ARHGAP6: variants seen among roughly 807,000 people sequenced by gnomAD.
ARHGAP6 encodes the protein Rho GTPase activating protein 6, also known as rho GTPase-activating protein 6.
Under a neutral mutation model 55.7 loss-of-function variants are expected in ARHGAP6, and 16 were observed. The ratio of observed to expected loss-of-function variants is 0.29; its 90% CI spans 0.19 to 0.44. ARHGAP6 has a LOEUF of 0.44. Among genes scored for constraint, ARHGAP6 ranks in the 20% least tolerant of loss-of-function variants. The pLI is 1.00. For missense variants in ARHGAP6, 698 were observed against 808.9 expected, an observed-to-expected ratio of 0.86 and a Z score of 1.66; for synonymous variants, 382 against 360.9, an observed-to-expected ratio of 1.06 and a Z score of -0.66.
At chrX:11,252,611 A>G (rs1168081992) in intron 2 of ARHGAP6, among the ~76,000 whole-genome samples, 1 of 112,715 alleles carries the variant, frequency 8.9e-6, no homozygotes, top group Non-Finnish European at 1.9e-5. Flanking sequence ...ATTAGCATGA[A>G]AAAATAAAAC....
intron 1 of ARHGAP6, among the ~76,000 whole-genome samples, chrX:11,356,104 T>C (rs752182096): frequency 1.8e-5 from 2 of 111,278 alleles, no homozygotes; most frequent in Non-Finnish European, 3.8e-5. Flanking sequence ...TTATTAACTT[T>C]CTACTTTTGC....
chrX:11,339,848 C>G (rs1366335582), intron 1 of ARHGAP6, among the ~76,000 whole-genome samples: 3 of 111,290 alleles, frequency 2.7e-5, no homozygotes, highest in African/African-American at 9.8e-5. Context: ...GTTTCTCTCT[C>G]AATATTTTAC....
rs768038709 is a variant in ARHGAP6 at position 11,585,173 on chromosome X, G to C, written c.588+79068C>G. The stretch of plus-strand genomic sequence containing the variant: ...ATATGTACCACATTTTCTTTATCCA[G>C]TCTATCATTTATGGTCATTTAGGTT... On this transcript the variant is annotated intron_variant, in intron 1 of 12. Coordinates refer to ENST00000337414, the MANE Select transcript of ARHGAP6 (RefSeq NM_013427.3). 2.7e-5 allele frequency among the ~76,000 whole-genome samples: 3 copies of C among 112,108 alleles called. No homozygotes were observed. The South Asian group carries it at 1.1e-3, about 41-fold the overall frequency.
chrX:11,484,538 G>A (rs1420118889), intron 1 of ARHGAP6, among the ~76,000 whole-genome samples: 2 of 90,170 alleles, frequency 2.2e-5, no homozygotes, highest in African/African-American at 4.5e-5. Flanking sequence ...AGGAGGAGGA[G>A]GAAGAAGAGA....
intron 1 of ARHGAP6, among the ~76,000 whole-genome samples, chrX:11,618,592 GATTA>G (rs2052194165): frequency 8.9e-6 from 1 of 111,829 alleles, no homozygotes; most frequent in Admixed American, 9.5e-5. Context: ...GCTCATGCAT[GATTA>G]ATTAATCTGC....
intron 1 of ARHGAP6, among the ~76,000 whole-genome samples, chrX:11,297,618 C>A (rs1303065560): frequency 9.0e-6 from 1 of 111,725 alleles, no homozygotes; most frequent in East Asian, 2.8e-4. Flanking sequence ...GAATAAGATT[C>A]TTACTTCTCT....
chrX:11,521,234 A>G (rs1431289987), intron 1 of ARHGAP6, among the ~76,000 whole-genome samples: 1 of 112,126 alleles, frequency 8.9e-6, no homozygotes. Context: ...GTCCTTGCCC[A>G]TGCCTATGTC....
intron 1 of ARHGAP6, among the ~76,000 whole-genome samples, chrX:11,357,248 G>T (rs2048942740): frequency 9.0e-6 from 1 of 111,527 alleles, no homozygotes; most frequent in Admixed American, 9.5e-5. Flanking sequence ...ATTGAATTGG[G>T]AAGTCATTTT....
intron 1 of ARHGAP6, among the ~76,000 whole-genome samples, chrX:11,361,590 A>G (rs2049012192): frequency 9.1e-6 from 1 of 110,128 alleles, no homozygotes; most frequent in Non-Finnish European, 1.9e-5. Context: ...GGACATAGGC[A>G]TGGGCAAGGA....
intron 6 of ARHGAP6, among the ~76,000 whole-genome samples, chrX:11,180,561 T>C (rs1048694171): frequency 9.0e-6 from 1 of 111,716 alleles, no homozygotes; most frequent in African/African-American, 3.3e-5. Context: ...AGGGGTTATA[T>C]AACAAAGTAA....
intron 1 of ARHGAP6, among the ~76,000 whole-genome samples, chrX:11,662,211 A>G (rs185274456): frequency 1.2e-4 from 14 of 112,373 alleles, no homozygotes; most frequent in Non-Finnish European, 2.4e-4. Context: ...GGCAGTGCCC[A>G]ATAGGATACA....
chrX:11,249,194 TCTCA>T (rs1355882764), intron 2 of ARHGAP6, among the ~76,000 whole-genome samples: 4 of 111,603 alleles, frequency 3.6e-5, no homozygotes, highest in Admixed American at 9.6e-5. Context: ...CATTGTATGT[TCTCA>T]CTAATAGGTG....
intron 1 of ARHGAP6, among the ~76,000 whole-genome samples, chrX:11,346,029 G>A (rs1377387604): frequency 9.1e-6 from 1 of 109,848 alleles, no homozygotes; most frequent in Non-Finnish European, 1.9e-5. Flanking sequence ...CAAACTCCTG[G>A]GGCACAAGTG....
intron 1 of ARHGAP6, among the ~76,000 whole-genome samples, chrX:11,554,990 G>A (rs1297349087): frequency 3.6e-5 from 4 of 112,090 alleles, no homozygotes; most frequent in Non-Finnish European, 5.6e-5. Flanking sequence ...TGTGAATGGG[G>A]TTGTGCTGGG....
chrX:11,459,055 T>C (rs1044521305), intron 1 of ARHGAP6, among the ~76,000 whole-genome samples: 29 of 110,699 alleles, frequency 2.6e-4, no homozygotes, highest in African/African-American at 9.2e-4. Flanking sequence ...TACTTATATC[T>C]GGGGGAAGAG....
chrX:11,429,908 G>A (rs951582509), intron 1 of ARHGAP6, among the ~76,000 whole-genome samples: 6 of 112,093 alleles, frequency 5.4e-5, no homozygotes, highest in African/African-American at 1.6e-4. Flanking sequence ...ATGGGGGCAC[G>A]TGTGTACAGA....
chrX:11,325,819 G>A (rs1015177763), intron 1 of ARHGAP6, among the ~76,000 whole-genome samples: 1 of 111,982 alleles, frequency 8.9e-6, no homozygotes, highest in African/African-American at 3.2e-5. Context: ...AGACATTTAG[G>A]GATGTCTGGA....
At chrX:11,593,012 G>C (rs1337684039) in intron 1 of ARHGAP6, among the ~76,000 whole-genome samples, 1 of 111,905 alleles carries the variant, frequency 8.9e-6, no homozygotes, top group Non-Finnish European at 1.9e-5. Flanking sequence ...TTTAGTGTCT[G>C]GAATCAAAGA....
intron 1 of ARHGAP6, among the ~76,000 whole-genome samples, chrX:11,276,990 T>C (rs2147525823): frequency 9.0e-6 from 1 of 111,353 alleles, no homozygotes; most frequent in African/African-American, 3.3e-5. Flanking sequence ...TTCCAAAACA[T>C]TTTCATCACA....
Sources: gnomAD v4.1 joint callset for allele counts (sites outside exome capture counted in the v4.1 genomes callset) on GRCh38, gnomAD v4.1.1 for gene constraint, MANE v1.5 for transcripts, NCBI Gene and HGNC (gene_info 2026-07-23, HGNC 2026-07-21) for gene names.